The following RBP3 variants were observed in gnomAD, a reference collection of about 807,000 sequenced individuals.
RBP3 encodes the protein retinol-binding protein 3.
In RBP3, 50 loss-of-function variants were observed where a neutral mutation model predicts 64.8. The observed-to-expected ratio is 0.77, with a 90% CI of 0.61 to 0.98. The LOEUF is 0.98. Ranked by LOEUF, RBP3 falls within the 50% of genes least tolerant of loss-of-function variation. The pLI is 0.00. For missense variants in RBP3, 1,712 were observed against 1,660.5 expected, an observed-to-expected ratio of 1.03 and a Z score of -0.54; for synonymous variants, 828 against 730.2, an observed-to-expected ratio of 1.13 and a Z score of -2.16.
rs1565765558 is a variant in RBP3 at position 47,350,111 on chromosome 10, C to T, written c.1627C>T (p.His543Tyr). 6.2e-7 allele frequency: 1 copy of T among 1,613,040 alleles called. No homozygotes were observed. The highest frequency in any genetic ancestry group is 8.5e-7 in the Non-Finnish European group (1 of 1,180,012). ...ACGTGGGGTGTATCTGCTCACCAGC[C>T]ACCGCACCGCCACGGCCGCGGAGGA... Reference protein sequence around the residue: ...TQRGVYLLTSHRTATAAEEFA... With the variant: ...TQRGVYLLTSYRTATAAEEFA... Residue 543 changes from histidine to tyrosine, a missense_variant, in exon 1 of 4, where the codon CAC becomes TAC. Physicochemically the swap from His to Tyr is moderately conservative, Grantham distance 83 (BLOSUM62 2). Transcript: ENST00000584701.
At position 47,350,738 on chromosome 10, in the gene RBP3, G is replaced by A. The variant is rs1555211433; in HGVS notation, c.2254G>A (p.Ala752Thr). Residue 752 changes from alanine (A) to threonine (T), a missense_variant, in exon 1 of 4, where the codon GCT becomes ACT. By Grantham distance (58) the Ala-to-Thr change is moderately conservative (BLOSUM62 0). Coordinates refer to ENST00000584701, the MANE Select transcript of RBP3 (RefSeq NM_002900.3). ...QLGYLRFDAMAELETVKAVGP... is the reference protein window; with the variant it reads ...QLGYLRFDAMTELETVKAVGP... ...GGGCTACCTGCGTTTTGACGCCATGGCTGAACTGGAGACAGTGAAGGCCGT... is the reference window on the plus strand; with the variant it reads ...GGGCTACCTGCGTTTTGACGCCATGACTGAACTGGAGACAGTGAAGGCCGT... 1.9e-6 allele frequency: 3 copies of A among 1,613,264 alleles called. No homozygotes were observed. The highest frequency in any genetic ancestry group is 1.1e-5 in the South Asian group (1 of 91,084).
intron 3 of RBP3, among the ~76,000 whole-genome samples, chr10:47,356,858 T>C (rs1837053207): frequency 2.6e-5 from 4 of 152,198 alleles, no homozygotes; most frequent in Admixed American, 2.6e-4. Flanking sequence ...TCACTTGGCA[T>C]AAAAAGGCCT....
In RBP3 at chr10:47,351,064, G is replaced by T. The variant is rs782667242; in HGVS notation, c.2580G>T (p.Gln860His). The part of the protein sequence containing the change: ...SAAEAFAHTM[Q>H]DLQRATVIGE... ...CCGAGGCCTTTGCACACACCATGCA[G>T]GACCTGCAGCGGGCCACGGTCATTG... Residue 860 changes from glutamine (Q) to histidine (H), a missense_variant, in exon 1 of 4, where the codon CAG becomes CAT. Physicochemically the swap from Gln to His is conservative, Grantham distance 24 (BLOSUM62 0). Coordinates refer to ENST00000584701, the MANE Select transcript of RBP3 (RefSeq NM_002900.3). 4 of 1,611,716 alleles carry T rather than the reference G, an allele frequency of 2.5e-6. No homozygotes were observed. In the South Asian group the frequency reaches 4.4e-5, roughly 18 times the overall value.
chr10:47,353,384 T>G lies in RBP3; in HGVS notation c.3114T>G (p.Leu1038=), dbSNP rs782254386. Residue 1038 remains leucine (L), a synonymous_variant, in exon 2 of 4, where the codon CTT becomes CTG. Transcript: ENST00000584701. ...LIKFSFHTNV[L]EDNIGYLRFD... ...AGTTTTCCTTCCACACTAACGTGCT[T>G]GAGGACAACATTGGCTACTTGAGGT... 5.0e-6 allele frequency: 8 copies of G among 1,614,090 alleles called. No individual in the cohort carries two copies. Among genetic ancestry groups the G allele is most frequent in the Non-Finnish European group, 6.8e-6 (8 of 1,180,020 alleles).
chr10:47,353,627 C>A, intron 2 of RBP3, 112 bp downstream of exon 2: 1 of 1,296,678 alleles, frequency 7.7e-7, no homozygotes, highest in Non-Finnish European at 1.1e-6. Flanking sequence ...CAGCAGAGGA[C>A]CTGAGGGGGG....
Position 47,353,455 on chromosome 10 carries a change from T to A in RBP3, c.3185T>A (p.Leu1062Gln). The A allele has an allele frequency of 6.2e-7, 1 of 1,614,184 alleles. No homozygotes were observed. Among genetic ancestry groups the A allele is most frequent in the East Asian group, 2.2e-5 (1 of 44,872 alleles). ...DGELLTQVSRLLVEHIWKKIM... is the reference protein window; with the variant it reads ...DGELLTQVSRQLVEHIWKKIM... ...GAGCTGCTCACCCAGGTCTCCAGGCTGCTGGTGGAGCACATCTGGAAGAAG... is the reference window on the plus strand; with the variant it reads ...GAGCTGCTCACCCAGGTCTCCAGGCAGCTGGTGGAGCACATCTGGAAGAAG... Residue 1062 changes from leucine (L) to glutamine (Q), a missense_variant, in exon 2 of 4, where the codon CTG becomes CAG. Physicochemically the swap from Leu to Gln is moderately radical, Grantham distance 113 (BLOSUM62 -2). Transcript: ENST00000584701.
At position 47,350,215 on chromosome 10, in the gene RBP3, C is replaced by A; in HGVS notation, c.1731C>A (p.Arg577=). Residue 577 remains arginine (R), a synonymous_variant, in exon 1 of 4, where the codon CGC becomes CGA. Coordinates refer to ENST00000584701, the MANE Select transcript of RBP3 (RefSeq NM_002900.3). ...EITAGNLLHT[R]TVPLLDTPEG... is the part of the protein sequence containing the mutation. The stretch of plus-strand genomic sequence containing the variant: ...CCGCGGGCAACCTGCTGCACACCCG[C>A]ACGGTGCCGCTGCTGGACACACCCG... 1 of 1,609,270 alleles carries A rather than the reference C, an allele frequency of 6.2e-7. No individual in the cohort carries two copies. Among genetic ancestry groups the A allele is most frequent in the African/African-American group, 1.3e-5 (1 of 75,068 alleles).
chr10:47,353,537 C>T, intron 2 of RBP3, 22 bp downstream of exon 2: 2 of 1,612,726 alleles, frequency 1.2e-6, no homozygotes, highest in Non-Finnish European at 1.7e-6. Context: ...GGGGTCAGTG[C>T]TTCCTAGCCA....
chr10:47,351,423 C>T lies in RBP3; in HGVS notation c.2939C>T (p.Ala980Val). ...TACTCCAGGGTGACCTCAGAAGTGG[C>T]CCTAGCCGAGATCCTGGGGGCTGAC... is the stretch of plus-strand genomic sequence containing the variant. Reference protein sequence around the residue: ...SRYSRVTSEVALAEILGADLQ... With the variant: ...SRYSRVTSEVVLAEILGADLQ... The change falls in exon 1 of 4, where the codon GCC (alanine) becomes GTC (valine). Residue 980 changes from alanine to valine, a missense_variant. Physicochemically the swap from Ala to Val is moderately conservative, Grantham distance 64. Transcript: ENST00000584701. 1 of 1,613,732 alleles carries T rather than the reference C, an allele frequency of 6.2e-7. No homozygotes were observed.
intron 1 of RBP3, 87 bp downstream of exon 1, chr10:47,351,625 G>A (rs781863128): frequency 1.1e-4 from 171 of 1,487,632 alleles, no homozygotes; most frequent in Non-Finnish European, 1.5e-4. Context: ...TGCACAGTGC[G>A]TGACAATGGC....
chr10:47,357,352 C>T lies in RBP3; in HGVS notation c.3639C>T (p.Pro1213=). The T allele has an allele frequency of 6.2e-7, 1 of 1,614,130 alleles. No individual in the cohort carries two copies. Among genetic ancestry groups the T allele is most frequent in the South Asian group, 1.1e-5 (1 of 91,084 alleles). ...CCTGGGAAGGGGTGGGGGTGACACC[C>T]CATGTGGTTGTCCCTGCAGAAGAGG... ...GSSWEGVGVT[P]HVVVPAEEAL... Residue 1213 remains proline, a synonymous_variant, in exon 4 of 4, where the codon CCC becomes CCT. Coordinates refer to ENST00000584701, the MANE Select transcript of RBP3 (RefSeq NM_002900.3).
In RBP3 at chr10:47,348,812, G is replaced by A; in HGVS notation, c.328G>A (p.Glu110Lys). The A allele has an allele frequency of 6.2e-7, 1 of 1,613,858 alleles. No individual in the cohort carries two copies. The highest frequency in any genetic ancestry group is 1.7e-5 in the Admixed American group (1 of 60,026). ...AGTCCCAGCACTCACCAGCCTCTCA[G>A]AAGAGGAACTGCTTGCCTGGCTGCA... is the stretch of plus-strand genomic sequence containing the variant. ...PQVPALTSLS[E>K]EELLAWLQRG... Residue 110 changes from glutamate (E) to lysine (K), a missense_variant, in exon 1 of 4, where the codon GAA (glutamate) becomes AAA (lysine). Glu to Lys is a moderately conservative substitution (Grantham distance 56, BLOSUM62 1). Transcript: ENST00000584701.
chr10:47,355,769 A>T (rs1417719208), intron 3 of RBP3, among the ~76,000 whole-genome samples: 1 of 152,110 alleles, frequency 6.6e-6, no homozygotes, highest in African/African-American at 2.4e-5. Context: ...AATAAGTGAA[A>T]CCCAAAATGT....
chr10:47,353,843 C>T (rs1278938782), intron 2 of RBP3, among the ~76,000 whole-genome samples: 1 of 151,866 alleles, frequency 6.6e-6, no homozygotes, highest in Non-Finnish European at 1.5e-5. Flanking sequence ...ATTCCTGGGC[C>T]CCACTCCCCT....
At position 47,350,808 on chromosome 10, in the gene RBP3, C is replaced by T. The variant is rs201724324; in HGVS notation, c.2324C>T (p.Thr775Met). Residue 775 changes from threonine to methionine, a missense_variant, in exon 1 of 4, where the codon ACG becomes ATG. By Grantham distance (81) the Thr-to-Met change is moderately conservative. Transcript: ENST00000584701. ...CTGGTATGGCAACAGCTGGTGGACACGGCTGCGCTGGTGATCGACCTGCGC... is the reference window on the plus strand; with the variant it reads ...CTGGTATGGCAACAGCTGGTGGACATGGCTGCGCTGGTGATCGACCTGCGC... ...VRLVWQQLVD[T>M]AALVIDLRYN... 4.3e-5 allele frequency: 69 copies of T among 1,613,040 alleles called. No homozygotes were observed. The East Asian group carries it at 4.5e-4, about 10-fold the overall frequency.
chr10:47,349,060 C>T lies in RBP3; in HGVS notation c.576C>T (p.Thr192=), dbSNP rs782781341. 6.2e-7 allele frequency: 1 copy of T among 1,614,052 alleles called. No homozygotes were observed. Among genetic ancestry groups the T allele is most frequent in the East Asian group, 2.2e-5 (1 of 44,874 alleles). Residue 192 remains threonine, a synonymous_variant, in exon 1 of 4, where the codon ACC becomes ACT. Coordinates refer to ENST00000584701, the MANE Select transcript of RBP3 (RefSeq NM_002900.3). ...YIISYLHPGN[T]ILHVDTIYNR... is the part of the protein sequence containing the mutation. ...TCTCCTACCTGCACCCAGGGAACAC[C>T]ATCCTGCACGTGGACACTATCTACA...
Position 47,357,315 on chromosome 10 carries a change from C to G in RBP3, c.3602C>G (p.Ser1201Trp). 6.2e-7 allele frequency: 1 copy of G among 1,614,134 alleles called. No homozygotes were observed. The highest frequency in any genetic ancestry group is 8.5e-7 in the Non-Finnish European group (1 of 1,180,024). Reference protein sequence around the residue: ...TIPTARSVGASDGSSWEGVGV... With the variant: ...TIPTARSVGAWDGSSWEGVGV... ...CCCACGGCCCGTTCTGTGGGGGCCT[C>G]GGATGGCAGCTCCTGGGAAGGGGTG... Residue 1201 changes from serine (S) to tryptophan (W), a missense_variant, in exon 4 of 4, where the codon TCG (serine) becomes TGG (tryptophan). Ser to Trp is a radical substitution (Grantham distance 177, BLOSUM62 -3). Coordinates refer to ENST00000584701, the MANE Select transcript of RBP3 (RefSeq NM_002900.3).
At position 47,357,184 on chromosome 10, in the gene RBP3, C is replaced by T. The variant is rs1837059419; in HGVS notation, c.3471C>T (p.Ile1157=). The change falls in exon 4 of 4, where the codon ATC becomes ATT. Residue 1157 remains isoleucine, a synonymous_variant. Coordinates refer to ENST00000584701, the MANE Select transcript of RBP3 (RefSeq NM_002900.3). ...TAGTAEEFTY[I]MKRLGRALVI... ...GCACCGCGGAGGAGTTCACCTATAT[C>T]ATGAAGAGGCTGGGCCGGGCCCTGG... The T allele has an allele frequency of 4.3e-6, 7 of 1,613,962 alleles. No individual in the cohort carries two copies. The highest frequency in any genetic ancestry group is 5.9e-6 in the Non-Finnish European group (7 of 1,180,040).
At chr10:47,355,573 C>G (rs1837035653) in intron 3 of RBP3, 55 bp downstream of exon 3, 1 of 1,611,334 alleles carries the variant, frequency 6.2e-7, no homozygotes, top group Non-Finnish European at 8.5e-7. Flanking sequence ...TCTGGGAAAC[C>G]AGGGAAAGAC....
Sources: gnomAD v4.1 joint callset for allele counts (sites outside exome capture counted in the v4.1 genomes callset) on GRCh38, gnomAD v4.1.1 for gene constraint, MANE v1.5 for transcripts, NCBI Gene and HGNC (gene_info 2026-07-23, HGNC 2026-07-21) for gene names.